Variants in PIK3C2G observed in about 807,000 individuals in gnomAD.
The protein encoded by PIK3C2G is phosphatidylinositol 3-kinase C2 domain-containing subunit gamma.
PIK3C2G carries 168 observed loss-of-function variants against 181.1 expected under a neutral mutation model. The observed-to-expected ratio is 0.93, with a 90% CI of 0.82 to 1.05. The LOEUF (loss-of-function observed/expected upper bound fraction) is 1.05. Among genes scored for constraint, PIK3C2G ranks in the 50% least tolerant of loss-of-function variants. The probability of loss-of-function intolerance (pLI) is 0.00; values close to 1 mark genes in which losing one functional copy is unlikely to be tolerated. For synonymous variants in PIK3C2G, 573 were observed against 592.2 expected, an observed-to-expected ratio of 0.97 and a Z score of 0.47; for missense variants, 1,869 against 1,732.8, an observed-to-expected ratio of 1.08 and a Z score of -1.40.
rs765853945 is a variant in PIK3C2G, at chr12:18,639,156, TTTATC to T, written c.4183-1268_4183-1264del. ...GACAAATGAGGGTGTCCAGATATAT[TTTATC>T]TTATTTGTTAATAATTATAATAAAA... is the stretch of plus-strand genomic sequence containing the variant. On this transcript the variant is annotated intron_variant, in intron 31 of 32. Coordinates refer to ENST00000538779, the MANE Select transcript of PIK3C2G (RefSeq NM_001288772.2). Among the ~76,000 whole-genome samples the T allele has an allele frequency of 1.6e-3, 238 of 152,146 alleles. 1 individual carries two copies. Among genetic ancestry groups the T allele is most frequent in the Non-Finnish European group, 2.6e-3 (179 of 68,004 alleles).
At chr12:18,556,397 C>T (rs557170214) in intron 26 of PIK3C2G, among the ~76,000 whole-genome samples, 3 of 152,042 alleles carry the variant, frequency 2.0e-5, no homozygotes, top group African/African-American at 7.2e-5. Flanking sequence ...AAAGTCTGCC[C>T]CCAAACCATG....
At chr12:18,542,581 C>T (rs1944216416) in intron 25 of PIK3C2G, among the ~76,000 whole-genome samples, 1 of 151,812 alleles carries the variant, frequency 6.6e-6, no homozygotes, top group South Asian at 2.1e-4. Flanking sequence ...TCAAGTAGAT[C>T]CCAGTGCCTG....
chr12:18,701,832 A>G, the PIK3C2G span: 1 of 1,549,172 alleles, frequency 6.5e-7, no homozygotes, highest in Non-Finnish European at 8.7e-7. Flanking sequence ...TTTGCATTGT[A>G]ACAGTCACTG....
intron 11 of PIK3C2G, among the ~76,000 whole-genome samples, chr12:18,354,725 C>T (rs1232927784): frequency 6.6e-6 from 1 of 152,190 alleles, no homozygotes; most frequent in Non-Finnish European, 1.5e-5. Flanking sequence ...AAAGCAGTCG[C>T]AGTCATTCAG....
In PIK3C2G at chr12:18,282,294, G is replaced by A. The variant is rs746772476; in HGVS notation, c.213G>A (p.Trp71Ter). The A allele has an allele frequency of 5.0e-6, 8 of 1,613,308 alleles. No homozygotes were observed. The highest frequency in any genetic ancestry group is 1.1e-5 in the South Asian group (1 of 91,060). ...TTTTTGTGCCCACTGCACCAAAATG[G>A]GACTCAACAGGGCATTCATTAAATG... ...NTFFVPTAPK[W>*]DSTGHSLNEA... The change falls in exon 2 of 33, where the codon TGG becomes TGA. Residue 71 changes from tryptophan to a stop codon, truncating the protein, a stop_gained. Coordinates refer to ENST00000538779, the MANE Select transcript of PIK3C2G (RefSeq NM_001288772.2). LOFTEE classifies it high-confidence loss of function.
At chr12:18,575,397 C>T (rs11044200) in intron 29 of PIK3C2G, among the ~76,000 whole-genome samples, 29,126 of 152,064 alleles carry the variant, frequency 0.19, 2,810 homozygotes, top group East Asian at 0.25. Flanking sequence ...TGAGAACCAT[C>T]GTCTCAGACA....
At chr12:18,389,080 C>T (rs1179634600) in intron 14 of PIK3C2G, among the ~76,000 whole-genome samples, 1 of 152,050 alleles carries the variant, frequency 6.6e-6, no homozygotes, top group African/African-American at 2.4e-5. Context: ...AAGCCAGGTG[C>T]GGTGGCTCAC....
At chr12:18,389,989 C>T (rs1351463398) in intron 14 of PIK3C2G, among the ~76,000 whole-genome samples, 1 of 152,092 alleles carries the variant, frequency 6.6e-6, no homozygotes, top group African/African-American at 2.4e-5. Context: ...GTACTGGATG[C>T]CCTTCCCCTC....
chr12:18,384,396 A>G (rs936449414), intron 14 of PIK3C2G, among the ~76,000 whole-genome samples: 2 of 152,202 alleles, frequency 1.3e-5, no homozygotes, highest in African/African-American at 2.4e-5. Flanking sequence ...TGCATTTTAT[A>G]TAGGCCTGTG....
the PIK3C2G span, among the ~76,000 whole-genome samples, chr12:18,661,626 T>C: frequency 1.3e-5 from 2 of 152,066 alleles, no homozygotes; most frequent in Non-Finnish European, 2.9e-5. Context: ...AGAATGGCTA[T>C]TATTAAAAAG....
chr12:18,385,857 T>C (rs1943135792), intron 14 of PIK3C2G, among the ~76,000 whole-genome samples: 1 of 152,134 alleles, frequency 6.6e-6, no homozygotes, highest in Non-Finnish European at 1.5e-5. Context: ...CTCTACTTCC[T>C]CACCTCCCCG....
intron 31 of PIK3C2G, among the ~76,000 whole-genome samples, chr12:18,635,729 A>C (rs1949570112): frequency 6.6e-6 from 1 of 152,288 alleles, no homozygotes; most frequent in Non-Finnish European, 1.5e-5. Context: ...AGCAGCTTGC[A>C]CAGCAGCTTG....
intron 24 of PIK3C2G, among the ~76,000 whole-genome samples, chr12:18,513,007 A>G (rs1305939969): frequency 6.6e-6 from 1 of 151,820 alleles, no homozygotes; most frequent in Non-Finnish European, 1.5e-5. Flanking sequence ...TCATGAAGGT[A>G]TGTTACATTT....
intron 18 of PIK3C2G, among the ~76,000 whole-genome samples, chr12:18,458,431 C>T (rs1036819230): frequency 2.6e-5 from 4 of 151,950 alleles, no homozygotes; most frequent in Non-Finnish European, 2.9e-5. Flanking sequence ...TGCAGATGCT[C>T]GTTGTATATA....
At chr12:18,698,021 A>T in the PIK3C2G span, among the ~76,000 whole-genome samples, 1 of 151,620 alleles carries the variant, frequency 6.6e-6, no homozygotes, top group Non-Finnish European at 1.5e-5. Flanking sequence ...TAATACAATT[A>T]TAATTAATTT....
chr12:18,546,118 A>G (rs1944407225), intron 25 of PIK3C2G, among the ~76,000 whole-genome samples: 2 of 152,092 alleles, frequency 1.3e-5, no homozygotes, highest in South Asian at 4.1e-4. Context: ...TTCTTTTGTT[A>G]TAGTTGTTAT....
At chr12:18,464,544 C>T (rs1330074242) in intron 18 of PIK3C2G, among the ~76,000 whole-genome samples, 2 of 152,074 alleles carry the variant, frequency 1.3e-5, no homozygotes, top group Admixed American at 6.6e-5. Flanking sequence ...CCTATATGAC[C>T]TATGCCAATC....
Position 18,346,769 on chromosome 12 carries a change from G to A in PIK3C2G, c.1558G>A (p.Gly520Arg), listed in dbSNP as rs377542326. 19 of 1,613,432 alleles carry A rather than the reference G, an allele frequency of 1.2e-5. No individual in the cohort carries two copies. The highest frequency in any genetic ancestry group is 3.3e-5 in the South Asian group (3 of 91,066). The change falls in exon 11 of 33, where the codon GGG becomes AGG. Residue 520 changes from glycine to arginine, a missense_variant. Physicochemically the swap from Gly to Arg is moderately radical, Grantham distance 125. Transcript: ENST00000538779. ...TAGATGCACTTCCTATCTAAATCCCGGGCTTCCTTCCCACCTCAGCTTCAC... is the reference window on the plus strand; with the variant it reads ...TAGATGCACTTCCTATCTAAATCCCAGGCTTCCTTCCCACCTCAGCTTCAC... Reference protein sequence around the residue: ...VPRCTSYLNPGLPSHLSFTVY... With the variant: ...VPRCTSYLNPRLPSHLSFTVY...
intron 19 of PIK3C2G, among the ~76,000 whole-genome samples, chr12:18,490,429 C>G (rs1042859591): frequency 2.0e-5 from 3 of 152,088 alleles, no homozygotes; most frequent in Non-Finnish European, 4.4e-5. Flanking sequence ...AAAAATTTTT[C>G]TACCATAGTT....
Sources: allele counts gnomAD v4.1 joint callset (sites outside exome capture counted in the v4.1 genomes callset), GRCh38; gene constraint gnomAD v4.1.1; transcripts MANE v1.5; gene names NCBI Gene and HGNC (gene_info 2026-07-23, HGNC 2026-07-21).